The following ESAM variants were observed in gnomAD, a reference collection of about 807,000 sequenced individuals.
ESAM encodes the protein endothelial cell-selective adhesion molecule.
Under a neutral mutation model 31.8 loss-of-function variants are expected in ESAM, and 23 were observed. The ratio of observed to expected loss-of-function variants is 0.72; its 90% CI spans 0.52 to 1.03. The LOEUF (loss-of-function observed/expected upper bound fraction) is 1.03, where lower values mean the gene tolerates loss of function less well. Ranked by LOEUF, ESAM falls within the 50% of genes least tolerant of loss-of-function variation. ESAM has a pLI of 0.00. For missense variants in ESAM, 478 were observed against 488.9 expected, an observed-to-expected ratio of 0.98 and a Z score of 0.21; for synonymous variants, 216 against 207.2, an observed-to-expected ratio of 1.04 and a Z score of -0.37.
At chr11:124,755,416 T>A (rs1944141623) in intron 4 of ESAM, among the ~76,000 whole-genome samples, 1 of 151,920 alleles carries the variant, frequency 6.6e-6, no homozygotes, top group South Asian at 2.1e-4. Flanking sequence ...TAAAAATAAA[T>A]AAATAAATAA....
chr11:124,759,656 C>T lies in ESAM; in HGVS notation c.71-1129G>A, dbSNP rs1238274065. 6.6e-6 allele frequency among the ~76,000 whole-genome samples: 1 copy of T among 152,256 alleles called. No individual in the cohort carries two copies. Among genetic ancestry groups the T allele is most frequent in the Non-Finnish European group, 1.5e-5 (1 of 68,044 alleles). On this transcript the variant is annotated intron_variant, in intron 1 of 6. Transcript: ENST00000278927. The surrounding 1 kb of genome is among the most constrained non-coding windows in gnomAD (Gnocchi z 6.8). ...TCTAAGGGCTGGGAGCCGATCCGGC[C>T]AGGATGCAAGCCTCCCCCACCGCTT...
At chr11:124,758,569 C>T in intron 1 of ESAM, 42 bp from the exon 2 acceptor site, 2 of 1,460,014 alleles carry the variant, frequency 1.4e-6, no homozygotes, top group African/African-American at 2.9e-5. Context: ...GACCGGCTCC[C>T]AGCTCCGCCC....
Position 124,754,755 on chromosome 11 carries a change from G to T in ESAM, c.616C>A (p.Arg206Ser). The T allele has an allele frequency of 6.2e-7, 1 of 1,612,890 alleles. No homozygotes were observed. The highest frequency in any genetic ancestry group is 8.5e-7 in the Non-Finnish European group (1 of 1,179,618). ...AGGTTGGTGAGGCTTAAAGACCCAC[G>T]GATGACATCTGTGGACACAATTTAG... ...TFFAPALDVI[R>S]GSLSLTNLSS... is the part of the protein sequence containing the mutation. The change falls in exon 5 of 7, where the codon CGT becomes AGT. Residue 206 changes from arginine to serine, a missense_variant. Physicochemically the swap from Arg to Ser is moderately radical, Grantham distance 110. Coordinates refer to ENST00000278927, the MANE Select transcript of ESAM (RefSeq NM_138961.3). This position sits in a 1 kb window ranked among gnomAD's most constrained non-coding sequence, Gnocchi z 4.5.
rs372858516 is a variant in ESAM, at chr11:124,753,704, C to T, written c.1115G>A (p.Arg372His). 32 of 1,613,940 alleles carry T rather than the reference C, an allele frequency of 2.0e-5. No individual in the cohort carries two copies. Among genetic ancestry groups the T allele is most frequent in the African/African-American group, 8.0e-5 (6 of 74,920 alleles). The change falls in exon 7 of 7, where the codon CGC (arginine) becomes CAC (histidine). Residue 372 changes from arginine to histidine, a missense_variant. Coordinates refer to ENST00000278927, the MANE Select transcript of ESAM (RefSeq NM_138961.3). ...CACCATCACAGGCACAGCACCCATG[C>T]GGCTCAAGCCAGAGGAAGAAACCCC... is the stretch of plus-strand genomic sequence containing the variant. ...PGGVSSSGLS[R>H]MGAVPVMVPA...
At chr11:124,758,312 G>A in intron 2 of ESAM, 37 bp downstream of exon 2, 1 of 1,612,960 alleles carries the variant, frequency 6.2e-7, no homozygotes, top group Non-Finnish European at 8.5e-7. Flanking sequence ...CCCTCTGGGC[G>A]CAACTTGCCG....
rs575661084 is a variant in ESAM at position 124,754,374 on chromosome 11, A to C, written c.731-34T>G. ...GGCGTCGTGTCAGAGGAGGACACCC[A>C]GCTGAGGGGTTCTCACCCCTCTCCA... On this transcript the variant is annotated intron_variant, in intron 5 of 6. Transcript: ENST00000278927. The surrounding 1 kb of genome is among the most constrained non-coding windows in gnomAD (Gnocchi z 4.5). 3 of 1,610,870 alleles carry C rather than the reference A, an allele frequency of 1.9e-6. No homozygotes were observed. In the East Asian group the frequency reaches 6.7e-5, roughly 36 times the overall value.
chr11:124,756,724 C>CA lies in ESAM; in HGVS notation c.267dup (p.Gly90TrpfsTer49), dbSNP rs1317907031. 6.2e-7 allele frequency: 1 copy of CA among 1,614,120 alleles called. No individual in the cohort carries two copies. The highest frequency in any genetic ancestry group is 2.2e-5 in the East Asian group (1 of 44,880). On this transcript the variant is annotated frameshift_variant, in exon 3 of 7. Transcript: ENST00000278927. LOFTEE classifies it high-confidence loss of function. The stretch of plus-strand genomic sequence containing the variant: ...ACTCCAGGTTTGCTTGTTGTGACCC[C>CA]ATTGATGTAGGACAACACCTGGTGT...
intron 2 of ESAM, 136 bp from the exon 3 acceptor site, chr11:124,756,878 TC>T (rs1944161533): frequency 1.1e-6 from 1 of 890,150 alleles, no homozygotes; most frequent in Non-Finnish European, 1.8e-6. Flanking sequence ...CTGAACCAGC[TC>T]CCCATTCACC....
chr11:124,753,290 C>T lies in ESAM; in HGVS notation c.*356G>A. ...TCAATACAGGGAGCTGGAGTGGGAG[C>T]CAAGGGTGGTGTTAGATAGGGGTGG... On this transcript the variant is annotated 3_prime_UTR_variant, in exon 7 of 7. Transcript: ENST00000278927. The T allele has an allele frequency of 3.9e-6, 1 of 257,092 alleles. No individual in the cohort carries two copies. Among genetic ancestry groups the T allele is most frequent in the Non-Finnish European group, 7.4e-6 (1 of 134,278 alleles). 15.9% of individuals were successfully genotyped at this position (257,092 alleles called of 1,614,324 possible). A position where few individuals can be genotyped will look rare whatever the true frequency, so the allele number is the denominator to read the frequency against.
chr11:124,760,833 T>C (rs1591431579), intron 1 of ESAM, among the ~76,000 whole-genome samples: 1 of 152,012 alleles, frequency 6.6e-6, no homozygotes, highest in East Asian at 1.9e-4. Context: ...GGAAGGGGGA[T>C]AGAGTTGGGG....
chr11:124,756,327 C>T lies in ESAM; in HGVS notation c.487G>A (p.Val163Met). 2.5e-6 allele frequency: 4 copies of T among 1,611,020 alleles called. No individual in the cohort carries two copies. The highest frequency in any genetic ancestry group is 3.4e-6 in the Non-Finnish European group (4 of 1,178,612). The change falls in exon 4 of 7, where the codon GTG (valine) becomes ATG (methionine). Residue 163 changes from valine (V) to methionine (M), a missense_variant. Physicochemically the swap from Val to Met is conservative, Grantham distance 21. Coordinates refer to ENST00000278927, the MANE Select transcript of ESAM (RefSeq NM_138961.3). The part of the protein sequence containing the change: ...PAPPSCRLQG[V>M]PHVGANVTLS... The stretch of plus-strand genomic sequence containing the variant: ...GTCACGTTTGCCCCCACATGGGGCA[C>T]ACCCTGGAGACGGCAGGATGGAGGA...
chr11:124,756,974 T>G, intron 2 of ESAM: 3 of 545,954 alleles, frequency 5.5e-6, no homozygotes, highest in Non-Finnish European at 3.3e-6. Flanking sequence ...CATCTCCCAA[T>G]TGCGGTGTTT....
Position 124,762,134 on chromosome 11 carries a change from G to A in ESAM, c.21C>T (p.Pro7=). The change falls in exon 1 of 7, where the codon CCC becomes CCT. Residue 7 remains proline (P), a synonymous_variant. Coordinates refer to ENST00000278927, the MANE Select transcript of ESAM (RefSeq NM_138961.3). This position sits in a 1 kb window ranked among gnomAD's most constrained non-coding sequence, Gnocchi z 6.4. The part of the protein sequence containing the change: MISLPG[P]LVTNLLRFLF... ...AAAACCGCAGCAAGTTGGTCACCAGGGGCCCCGGGAGGGAAATCATGGCCC... is the reference window on the plus strand; with the variant it reads ...AAAACCGCAGCAAGTTGGTCACCAGAGGCCCCGGGAGGGAAATCATGGCCC... The A allele has an allele frequency of 1.2e-6, 2 of 1,609,730 alleles. No individual in the cohort carries two copies. Among genetic ancestry groups the A allele is most frequent in the Non-Finnish European group, 1.7e-6 (2 of 1,177,994 alleles).
chr11:124,761,912 G>A (rs73611452), intron 1 of ESAM, among the ~76,000 whole-genome samples, 173 bp downstream of exon 1: 2,994 of 152,194 alleles, frequency 0.02, 90 homozygotes, highest in African/African-American at 0.065. Context: ...GGCTGTCCCC[G>A]ACAAAGCGAG....
Position 124,753,335 on chromosome 11 carries a change from TG to T in ESAM, c.*310del, listed in dbSNP as rs1045661872. ...GGGTGGGGTACAGATCAAGGGGGCC[TG>T]GGAGACTCAGTGACTGGAAGTCTCT... On this transcript the variant is annotated 3_prime_UTR_variant, in exon 7 of 7. Transcript: ENST00000278927. 7 of 388,248 alleles carry T rather than the reference TG, an allele frequency of 1.8e-5. No homozygotes were observed. Among genetic ancestry groups the T allele is most frequent in the Non-Finnish European group, 3.3e-5 (7 of 212,628 alleles). The allele number at this position is 388,248 out of a possible 1,614,324, so 24.1% of individuals were successfully genotyped here. A position where few individuals can be genotyped will look rare whatever the true frequency, so the allele number is the denominator to read the frequency against.
chr11:124,760,239 G>A (rs959837792), intron 1 of ESAM, among the ~76,000 whole-genome samples: 1 of 152,196 alleles, frequency 6.6e-6, no homozygotes, highest in East Asian at 1.9e-4. Flanking sequence ...CTGCTGGCTC[G>A]GAAGTCACCA....
In ESAM at chr11:124,758,331, C is replaced by T; in HGVS notation, c.249+18G>A. 1.2e-6 allele frequency: 2 copies of T among 1,614,018 alleles called. No homozygotes were observed. Among genetic ancestry groups the T allele is most frequent in the East Asian group, 2.2e-5 (1 of 44,868 alleles). ...CTGGGCGCAACTTGCCGCTGGCTGA[C>T]AGGCGTTCTTCCCTCACCTGATCCT... On this transcript the variant is annotated intron_variant, in intron 2 of 6. Coordinates refer to ENST00000278927, the MANE Select transcript of ESAM (RefSeq NM_138961.3).
intron 2 of ESAM, 166 bp from the exon 3 acceptor site, chr11:124,756,908 C>A: frequency 1.5e-6 from 1 of 671,398 alleles, no homozygotes; most frequent in Non-Finnish European, 2.6e-6. Flanking sequence ...CTAGCCCCCT[C>A]TCACTGCCCC....
chr11:124,753,407 AAGG>A lies in ESAM; in HGVS notation c.*236_*238del, dbSNP rs1488935643. On this transcript the variant is annotated 3_prime_UTR_variant, in exon 7 of 7. Coordinates refer to ENST00000278927, the MANE Select transcript of ESAM (RefSeq NM_138961.3). ...AGCTAATTTCAGCAGCTGGCTTCAT[AAGG>A]AGGAGTCAGGGGTGGGTGGAGGCTC... The A allele has an allele frequency of 1.9e-6, 1 of 535,216 alleles. No homozygotes were observed. The highest frequency in any genetic ancestry group is 1.9e-5 in the African/African-American group (1 of 52,166). The allele number at this position is 535,216 out of a possible 1,614,324, so 33.2% of individuals were successfully genotyped here. A position where few individuals can be genotyped will look rare whatever the true frequency, so the allele number is the denominator to read the frequency against.
Sources: allele counts gnomAD v4.1 joint callset (sites outside exome capture counted in the v4.1 genomes callset), GRCh38; gene constraint gnomAD v4.1.1; non-coding constraint Gnocchi (gnomAD v3.1); transcripts MANE v1.5; gene names NCBI Gene and HGNC (gene_info 2026-07-23, HGNC 2026-07-21).